The following KIAA1549L variants were observed in gnomAD, a reference collection of about 807,000 sequenced individuals.
KIAA1549L encodes the protein KIAA1549 like, also known as UPF0606 protein KIAA1549L.
Under a neutral mutation model 160.7 loss-of-function variants are expected in KIAA1549L, and 88 were observed. The ratio of observed to expected loss-of-function variants is 0.55; its 90% CI spans 0.46 to 0.65. The LOEUF (loss-of-function observed/expected upper bound fraction) is 0.65, where lower values mean the gene tolerates loss of function less well. Ranked by LOEUF, KIAA1549L falls within the 30% of genes least tolerant of loss-of-function variation. KIAA1549L has a pLI of 0.00. For synonymous variants in KIAA1549L, 950 were observed against 976.7 expected (o/e 0.97, Z 0.51); for missense variants, 2,258 against 2,437.5 (o/e 0.93, Z 1.55).
intron 19 of KIAA1549L, among the ~76,000 whole-genome samples, chr11:33,659,643 T>C (rs1016974780): frequency 6.6e-6 from 1 of 152,258 alleles, no homozygotes; most frequent in African/African-American, 2.4e-5. Flanking sequence ...CAGCACTTAG[T>C]AAAGCATTCA....
chr11:33,617,628 A>G (rs1023967718), intron 15 of KIAA1549L, among the ~76,000 whole-genome samples: 6 of 152,202 alleles, frequency 3.9e-5, no homozygotes, highest in Admixed American at 3.3e-4. Flanking sequence ...GCTTAATAGC[A>G]CTTATCACTC....
chr11:33,498,547 C>G (rs1253041005), intron 1 of KIAA1549L, among the ~76,000 whole-genome samples: 1 of 152,166 alleles, frequency 6.6e-6, no homozygotes, highest in African/African-American at 2.4e-5. Context: ...TTCCTCATAG[C>G]ATGGAGGTCT....
At chr11:33,391,957 A>T (rs556892280) in intron 1 of KIAA1549L, among the ~76,000 whole-genome samples, 1 of 152,370 alleles carries the variant, frequency 6.6e-6, no homozygotes, top group African/African-American at 2.4e-5. Flanking sequence ...GAATAAGAAG[A>T]CTAACATTTA....
At chr11:33,451,923 A>G (rs1158139908) in intron 1 of KIAA1549L, among the ~76,000 whole-genome samples, 1 of 152,134 alleles carries the variant, frequency 6.6e-6, no homozygotes, top group Non-Finnish European at 1.5e-5. Context: ...GTCACCTCAA[A>G]CTCTCTCACA....
chr11:33,552,673 C>T (rs935123775), intron 6 of KIAA1549L, among the ~76,000 whole-genome samples: 11 of 145,870 alleles, frequency 7.5e-5, no homozygotes, highest in African/African-American at 2.4e-4. Context: ...CACACACACA[C>T]ACACACACAC....
At chr11:33,433,262 G>A (rs553908204) in intron 1 of KIAA1549L, among the ~76,000 whole-genome samples, 10 of 152,058 alleles carry the variant, frequency 6.6e-5, no homozygotes, top group Non-Finnish European at 1.5e-4. Flanking sequence ...AAGAAAAAAA[G>A]CCCATCAAAA....
chr11:33,521,901 A>C (rs1313711765), intron 1 of KIAA1549L, among the ~76,000 whole-genome samples: 3 of 152,232 alleles, frequency 2.0e-5, no homozygotes, highest in Non-Finnish European at 4.4e-5. Flanking sequence ...TATGGTTATT[A>C]CTAGGTAAGC....
At chr11:33,413,396 C>T (rs1436956877) in intron 1 of KIAA1549L, among the ~76,000 whole-genome samples, 1 of 150,492 alleles carries the variant, frequency 6.6e-6, no homozygotes, top group Non-Finnish European at 1.5e-5. Flanking sequence ...TGTGATCATG[C>T]CACTGCGCGC....
intron 7 of KIAA1549L, 63 bp from the exon 8 acceptor site, chr11:33,561,613 A>G (rs781197386): frequency 2.3e-6 from 3 of 1,289,392 alleles, no homozygotes; most frequent in Non-Finnish European, 3.4e-6. Context: ...ATATAACTAA[A>G]TAAATGAAAC....
chr11:33,663,372 T>G (rs988011089), intron 20 of KIAA1549L, among the ~76,000 whole-genome samples: 1 of 152,164 alleles, frequency 6.6e-6, no homozygotes, highest in East Asian at 1.9e-4. Flanking sequence ...AGTAGTAGTA[T>G]TTGCCAGCCC....
chr11:33,458,843 T>C (rs981562407), intron 1 of KIAA1549L, among the ~76,000 whole-genome samples: 21 of 152,304 alleles, frequency 1.4e-4, no homozygotes, highest in African/African-American at 5.1e-4. Flanking sequence ...TGATAGCTTG[T>C]GTCCCCCCTG....
chr11:33,510,568 G>A (rs988651298), intron 1 of KIAA1549L, among the ~76,000 whole-genome samples: 1 of 152,230 alleles, frequency 6.6e-6, no homozygotes, highest in Non-Finnish European at 1.5e-5. Context: ...TTGAACTCAG[G>A]CATCTGAGAT....
At chr11:33,544,527 G>A (rs999095927) in intron 2 of KIAA1549L, among the ~76,000 whole-genome samples, 191 bp downstream of exon 2, 6 of 152,236 alleles carry the variant, frequency 3.9e-5, no homozygotes, top group East Asian at 3.9e-4. Flanking sequence ...CTGAGCTTTC[G>A]AAACTATTCA....
At position 33,440,584 on chromosome 11, in the gene KIAA1549L, C is replaced by T. The variant is rs542738672; in HGVS notation, c.238+63695C>T. Reference sequence around the variant, plus strand: ...TATATGTAATTAGAATCCAAGTTTTCTAAGCCTGGCTTAACATGACATTAT... The same window carrying T: ...TATATGTAATTAGAATCCAAGTTTTTTAAGCCTGGCTTAACATGACATTAT... On this transcript the variant is annotated intron_variant, in intron 1 of 20. Transcript: ENST00000658780. 6.8e-4 allele frequency among the ~76,000 whole-genome samples: 104 copies of T among 152,302 alleles called. 1 individual carries two copies. Among genetic ancestry groups the T allele is most frequent in the Admixed American group, 5.4e-3 (83 of 15,298 alleles).
chr11:33,559,854 C>T lies in KIAA1549L; in HGVS notation c.3961C>T (p.Leu1321Phe). The change falls in exon 7 of 21, where the codon CTC becomes TTC. Residue 1321 changes from leucine to phenylalanine, a missense_variant. Transcript: ENST00000658780. ...GTVASSLLSQ[L>F]SAELVGFYLT... ...CGTCGCCAGCAGCCTCCTCAGCCAG[C>T]TCTCGGCTGAGCTGGTGGGATTCTA... 1 of 1,613,980 alleles carries T rather than the reference C, an allele frequency of 6.2e-7. No individual in the cohort carries two copies. Among genetic ancestry groups the T allele is most frequent in the Non-Finnish European group, 8.5e-7 (1 of 1,179,840 alleles).
At chr11:33,616,268 C>T (rs543450083) in intron 15 of KIAA1549L, among the ~76,000 whole-genome samples, 34 of 152,194 alleles carry the variant, frequency 2.2e-4, no homozygotes, top group African/African-American at 5.3e-4. Context: ...GGTGACAAAC[C>T]GGCTGCCAGC....
intron 1 of KIAA1549L, among the ~76,000 whole-genome samples, chr11:33,489,950 C>T (rs1852619716): frequency 6.6e-6 from 1 of 152,162 alleles, no homozygotes; most frequent in South Asian, 2.1e-4. Context: ...TATCTCAATA[C>T]ATTCTCATAA....
At chr11:33,388,944 C>T (rs1850223825) in intron 1 of KIAA1549L, among the ~76,000 whole-genome samples, 1 of 152,198 alleles carries the variant, frequency 6.6e-6, no homozygotes, top group Non-Finnish European at 1.5e-5. Context: ...CAACATAGGC[C>T]AAGGTCGCTG....
At chr11:33,482,283 T>C (rs1222242513) in intron 1 of KIAA1549L, among the ~76,000 whole-genome samples, 1 of 152,066 alleles carries the variant, frequency 6.6e-6, no homozygotes. Flanking sequence ...CTGACACTTC[T>C]ATTTTTTTCT....
Sources: gnomAD v4.1 joint callset for allele counts (sites outside exome capture counted in the v4.1 genomes callset) on GRCh38, gnomAD v4.1.1 for gene constraint, MANE v1.5 for transcripts, NCBI Gene and HGNC (gene_info 2026-07-23, HGNC 2026-07-21) for gene names.